FFAR4: variants seen among roughly 807,000 people sequenced by gnomAD.
The protein encoded by FFAR4 is free fatty acid receptor 4.
FFAR4 carries 19 observed loss-of-function variants against 27.0 expected under a neutral mutation model. The observed-to-expected ratio is 0.70, with a 90% CI of 0.49 to 1.03. The LOEUF is 1.03. Among genes scored for constraint, FFAR4 ranks in the 50% least tolerant of loss-of-function variants. FFAR4 has a pLI of 0.00. For missense variants in FFAR4, 476 were observed against 479.0 expected, an observed-to-expected ratio of 0.99 and a Z score of 0.06; for synonymous variants, 254 against 215.6, an observed-to-expected ratio of 1.18 and a Z score of -1.56.
intron 1 of FFAR4, 147 bp from the exon 2 acceptor site, chr10:93,575,944 T>A: frequency 1.4e-6 from 1 of 691,602 alleles, no homozygotes; most frequent in Non-Finnish European, 2.5e-6. Context: ...TGGTGGGCAG[T>A]GGGAGGGATT....
At chr10:93,578,850 C>G (rs1025518970) in intron 2 of FFAR4, among the ~76,000 whole-genome samples, 1 of 152,220 alleles carries the variant, frequency 6.6e-6, no homozygotes, top group Non-Finnish European at 1.5e-5. Flanking sequence ...TAGAGCAGGG[C>G]TGGCTGGAAG....
At chr10:93,569,875 G>A (rs575468449) in intron 1 of FFAR4, among the ~76,000 whole-genome samples, 17 of 151,756 alleles carry the variant, frequency 1.1e-4, no homozygotes, top group Middle Eastern at 6.8e-3. Context: ...CCTGGCCAAC[G>A]TGGTGAAACC....
rs1319414887 is a variant in FFAR4 at position 93,588,052 on chromosome 10, T to C, written c.*443T>C. The stretch of plus-strand genomic sequence containing the variant: ...GTTGCAGTGAGCCGAGATCGTGCCA[T>C]TGCACTCCAACCAGGGCAACAAGAG... On this transcript the variant is annotated 3_prime_UTR_variant, in exon 3 of 3. Transcript: ENST00000371481. The C allele has an allele frequency of 6.6e-6, 1 of 152,190 alleles. No individual in the cohort carries two copies. Among genetic ancestry groups the C allele is most frequent in the South Asian group, 2.1e-4 (1 of 4,842 alleles). The allele number at this position is 152,190 out of a possible 1,614,324, so 9.4% of individuals were successfully genotyped here.
Position 93,567,098 on chromosome 10 carries a change from C to G in FFAR4, c.378C>G (p.Ile126Met), listed in dbSNP as rs1396029711. 6.2e-7 allele frequency: 1 copy of G among 1,609,594 alleles called. No homozygotes were observed. Among genetic ancestry groups the G allele is most frequent in the African/African-American group, 1.3e-5 (1 of 74,974 alleles). Residue 126 changes from isoleucine to methionine, a missense_variant, in exon 1 of 3, where the codon ATC (isoleucine) becomes ATG (methionine). Physicochemically the swap from Ile to Met is conservative, Grantham distance 10 (BLOSUM62 1). Coordinates refer to ENST00000371481, the MANE Select transcript of FFAR4 (RefSeq NM_001195755.2). ...YVMTLSGSVT[I>M]LTLAAVSLER... ...TGACCCTGAGCGGCAGCGTCACCAT[C>G]CTCACGCTGGCCGCGGTCAGCCTGG...
At chr10:93,578,865 G>T (rs1027573847) in intron 2 of FFAR4, among the ~76,000 whole-genome samples, 5 of 152,182 alleles carry the variant, frequency 3.3e-5, no homozygotes, top group African/African-American at 1.2e-4. Context: ...TGGAAGGGGC[G>T]GCAGCATTTG....
chr10:93,587,234 A>G lies in FFAR4; in HGVS notation c.711A>G (p.Ser237=), dbSNP rs1186369595. The stretch of plus-strand genomic sequence containing the variant: ...GTTTTCCACAGATCACAAAGGCATC[A>G]AGGAAGAGGCTCACGGTAAGCCTGG... ...YSKILQITKA[S]RKRLTVSLAY... is the part of the protein sequence containing the mutation. Residue 237 remains serine (S), a synonymous_variant, in exon 3 of 3, where the codon TCA becomes TCG. Coordinates refer to ENST00000371481, the MANE Select transcript of FFAR4 (RefSeq NM_001195755.2). 1 of 1,613,398 alleles carries G rather than the reference A, an allele frequency of 6.2e-7. No homozygotes were observed. The highest frequency in any genetic ancestry group is 1.1e-5 in the South Asian group (1 of 91,002).
rs1052165804 is a variant in FFAR4, at chr10:93,576,312, G to C, written c.696+93G>C. On this transcript the variant is annotated intron_variant, in intron 2 of 2. Transcript: ENST00000371481. ...GAATTTGGGGTCGGAGAACACCTAA[G>C]AGTTCACGCCAGCTCAATCTTGATT... is the stretch of plus-strand genomic sequence containing the variant. 11 of 1,329,144 alleles carry C rather than the reference G, an allele frequency of 8.3e-6. 1 individual carries two copies. The South Asian group carries it at 1.3e-4, about 16-fold the overall frequency. The allele number at this position is 1,329,144 out of a possible 1,614,324, so 82.3% of individuals were successfully genotyped here. A position where few individuals can be genotyped will look rare whatever the true frequency, so the allele number is the denominator to read the frequency against.
chr10:93,575,990 C>A, intron 1 of FFAR4, 101 bp from the exon 2 acceptor site: 1 of 1,151,246 alleles, frequency 8.7e-7, no homozygotes, highest in Non-Finnish European at 1.3e-6. Flanking sequence ...TGTAACTGGG[C>A]AATGCAACCG....
chr10:93,574,537 C>T (rs983634859), intron 1 of FFAR4, among the ~76,000 whole-genome samples: 7 of 152,176 alleles, frequency 4.6e-5, no homozygotes, highest in African/African-American at 7.2e-5. Flanking sequence ...GGAGGTGGTG[C>T]GGGTTTTCTG....
At chr10:93,585,165 A>G (rs2058219878) in intron 2 of FFAR4, among the ~76,000 whole-genome samples, 1 of 152,204 alleles carries the variant, frequency 6.6e-6, no homozygotes, top group African/African-American at 2.4e-5. Context: ...AGAAGAGTCC[A>G]GAATCCCCTT....
chr10:93,584,954 C>T (rs758863328), intron 2 of FFAR4, among the ~76,000 whole-genome samples: 34 of 152,112 alleles, frequency 2.2e-4, no homozygotes, highest in Non-Finnish European at 4.6e-4. Flanking sequence ...GCGATCTGCC[C>T]GCCTCAGCCT....
intron 1 of FFAR4, among the ~76,000 whole-genome samples, chr10:93,568,916 T>G (rs140567545): frequency 1.1e-4 from 17 of 152,258 alleles, no homozygotes; most frequent in African/African-American, 4.1e-4. Context: ...TCCACTCAAG[T>G]GGGGCCCAGA....
At position 93,587,566 on chromosome 10, in the gene FFAR4, A is replaced by G. The variant is rs764607770; in HGVS notation, c.1043A>G (p.Asp348Gly). 5.6e-6 allele frequency: 9 copies of G among 1,613,868 alleles called. No homozygotes were observed. The highest frequency in any genetic ancestry group is 7.6e-6 in the Non-Finnish European group (9 of 1,179,984). ...CCAGAAAAGGGAGCCATTTTAACAGACACATCTGTCAAAAGAAATGACTTG... is the reference window on the plus strand; with the variant it reads ...CCAGAAAAGGGAGCCATTTTAACAGGCACATCTGTCAAAAGAAATGACTTG... ...WFPEKGAILT[D>G]TSVKRNDLSI... is the part of the protein sequence containing the mutation. The change falls in exon 3 of 3, where the codon GAC (aspartate) becomes GGC (glycine). Residue 348 changes from aspartate (D) to glycine (G), a missense_variant. Asp to Gly is a moderately conservative substitution (Grantham distance 94, BLOSUM62 -1). Transcript: ENST00000371481.
At chr10:93,581,498 A>C (rs1298592032) in intron 2 of FFAR4, among the ~76,000 whole-genome samples, 1 of 152,126 alleles carries the variant, frequency 6.6e-6, no homozygotes, top group Non-Finnish European at 1.5e-5. Flanking sequence ...TCCTCTACCC[A>C]TCCCCACATG....
At chr10:93,583,408 T>C in intron 2 of FFAR4, among the ~76,000 whole-genome samples, 1 of 139,854 alleles carries the variant, frequency 7.2e-6, no homozygotes. Context: ...AGAGCGAGAC[T>C]CCGCTTCAAA....
At chr10:93,572,784 T>C (rs912433872) in intron 1 of FFAR4, among the ~76,000 whole-genome samples, 1 of 152,168 alleles carries the variant, frequency 6.6e-6, no homozygotes, top group African/African-American at 2.4e-5. Flanking sequence ...CCTGCTGAGA[T>C]GTCCTCATGG....
At chr10:93,572,579 G>T (rs2058138171) in intron 1 of FFAR4, among the ~76,000 whole-genome samples, 1 of 152,274 alleles carries the variant, frequency 6.6e-6, no homozygotes, top group East Asian at 1.9e-4. Flanking sequence ...TGCAATAGGT[G>T]GATAAGTCAA....
intron 1 of FFAR4, among the ~76,000 whole-genome samples, chr10:93,569,436 C>A (rs904960522): frequency 1.6e-4 from 24 of 152,032 alleles, no homozygotes; most frequent in Admixed American, 1.3e-3. Flanking sequence ...TAGGCAGGGG[C>A]CTTCCATGTC....
intron 2 of FFAR4, among the ~76,000 whole-genome samples, chr10:93,580,963 T>G (rs1298743617): frequency 6.6e-6 from 1 of 152,246 alleles, no homozygotes; most frequent in East Asian, 1.9e-4. Context: ...CTGTCACCAC[T>G]GTTTGGGGCT....
Sources: gnomAD v4.1 joint callset for allele counts (sites outside exome capture counted in the v4.1 genomes callset) on GRCh38, gnomAD v4.1.1 for gene constraint, MANE v1.5 for transcripts, NCBI Gene and HGNC (gene_info 2026-07-23, HGNC 2026-07-21) for gene names.